SMYD3: variants seen among roughly 807,000 people sequenced by gnomAD.
The protein encoded by SMYD3 is SET and MYND domain containing 3.
A neutral mutation model predicts 57.7 loss-of-function variants in SMYD3; 36 were observed. The ratio of observed to expected loss-of-function variants is 0.62; its 90% CI spans 0.48 to 0.82. The LOEUF is 0.82. Ranked by LOEUF, SMYD3 falls within the 40% of genes least tolerant of loss-of-function variation. The pLI is 0.00. For missense variants in SMYD3, 515 were observed against 538.8 expected, an observed-to-expected ratio of 0.96 and a Z score of 0.44; for synonymous variants, 211 against 195.0, an observed-to-expected ratio of 1.08 and a Z score of -0.68.
At chr1:246,233,309 C>G (rs1433678299) in intron 5 of SMYD3, among the ~76,000 whole-genome samples, 1 of 124,964 alleles carries the variant, frequency 8.0e-6, no homozygotes. Flanking sequence ...TCAATTCACA[C>G]TGTGATGAAC....
At chr1:246,099,445 C>T (rs1022774902) in intron 5 of SMYD3, among the ~76,000 whole-genome samples, 3 of 151,970 alleles carry the variant, frequency 2.0e-5, no homozygotes, top group Non-Finnish European at 4.4e-5. Context: ...ACCAATATCC[C>T]GAACAATCAA....
At chr1:245,873,555 G>A (rs1232249728) in intron 8 of SMYD3, among the ~76,000 whole-genome samples, 3 of 152,174 alleles carry the variant, frequency 2.0e-5, no homozygotes, top group Admixed American at 1.3e-4. Flanking sequence ...GAAGACCAAA[G>A]CTGCAGCCCT....
intron 10 of SMYD3, among the ~76,000 whole-genome samples, chr1:245,816,992 G>A (rs1329977469): frequency 1.3e-5 from 2 of 151,592 alleles, no homozygotes; most frequent in Non-Finnish European, 3.0e-5. Flanking sequence ...CATTGCCCAG[G>A]CTTGCTTAGG....
chr1:246,222,623 C>T (rs1416471256), intron 5 of SMYD3, among the ~76,000 whole-genome samples: 1 of 152,112 alleles, frequency 6.6e-6, no homozygotes, highest in Non-Finnish European at 1.5e-5. Flanking sequence ...TGAAATCCTC[C>T]TTGATAAGAA....
chr1:246,363,800 C>A (rs2066050605), intron 1 of SMYD3, among the ~76,000 whole-genome samples: 1 of 152,036 alleles, frequency 6.6e-6, no homozygotes, highest in African/African-American at 2.4e-5. Context: ...GCCGCAGGGT[C>A]CTCTGCCTAG....
intron 8 of SMYD3, among the ~76,000 whole-genome samples, chr1:245,891,453 C>T (rs2053380584): frequency 6.6e-6 from 1 of 152,142 alleles, no homozygotes; most frequent in Non-Finnish European, 1.5e-5. Flanking sequence ...CAGAGACAGC[C>T]CAGGATGACA....
chr1:246,501,091 T>C (rs1270053147), intron 1 of SMYD3, among the ~76,000 whole-genome samples: 1 of 152,224 alleles, frequency 6.6e-6, no homozygotes, highest in South Asian at 2.1e-4. Flanking sequence ...TTGAAATGAT[T>C]TTGCTAGTTG....
chr1:246,456,340 T>C (rs796079576), intron 1 of SMYD3, among the ~76,000 whole-genome samples: 1 of 152,334 alleles, frequency 6.6e-6, no homozygotes, highest in African/African-American at 2.4e-5. Context: ...TCAGTATCTC[T>C]ACGAATAGGA....
intron 5 of SMYD3, among the ~76,000 whole-genome samples, chr1:246,107,727 A>G (rs573295143): frequency 6.6e-6 from 1 of 152,366 alleles, no homozygotes; most frequent in Non-Finnish European, 1.5e-5. Context: ...TGCCATTTAC[A>G]AAAGCCCACC....
intron 5 of SMYD3, among the ~76,000 whole-genome samples, chr1:246,027,677 C>T (rs545528930): frequency 1.3e-5 from 2 of 152,202 alleles, no homozygotes; most frequent in Non-Finnish European, 2.9e-5. Context: ...GACAACGCAC[C>T]TAGTCATCCA....
At chr1:246,488,140 T>C (rs1430387679) in intron 1 of SMYD3, among the ~76,000 whole-genome samples, 1 of 152,216 alleles carries the variant, frequency 6.6e-6, no homozygotes, top group African/African-American at 2.4e-5. Context: ...ATTTGATCTG[T>C]GACCGAAAAA....
chr1:246,431,649 T>C (rs1351853582), intron 1 of SMYD3, among the ~76,000 whole-genome samples: 4 of 152,154 alleles, frequency 2.6e-5, no homozygotes, highest in Admixed American at 6.5e-5. Context: ...GCAGAATCGC[T>C]TGAACCCAGG....
intron 5 of SMYD3, among the ~76,000 whole-genome samples, chr1:246,185,155 T>G (rs1032126948): frequency 6.6e-6 from 1 of 152,252 alleles, no homozygotes; most frequent in African/African-American, 2.4e-5. Flanking sequence ...AAATAAATTT[T>G]TCTTCTTATC....
At chr1:245,992,917 C>T (rs35219586) in intron 5 of SMYD3, among the ~76,000 whole-genome samples, 9,168 of 101,284 alleles carry the variant, frequency 0.091, 606 homozygotes, top group South Asian at 0.21. Context: ...TCTAGAATGG[C>T]GGTCATGGGG....
At chr1:245,902,894 A>C (rs964781841) in intron 8 of SMYD3, among the ~76,000 whole-genome samples, 1 of 152,254 alleles carries the variant, frequency 6.6e-6, no homozygotes, top group African/African-American at 2.4e-5. Context: ...AGAAGAAGCA[A>C]TTATGACACC....
intron 5 of SMYD3, among the ~76,000 whole-genome samples, chr1:246,205,586 C>CAGGGGAGAAGGAAGAGA (rs2062986970): frequency 6.6e-6 from 1 of 151,724 alleles, no homozygotes; most frequent in African/African-American, 2.4e-5. Flanking sequence ...CTTTGGGAGG[C>CAGGGGAGAAGGAAGAGA]CAAGGCAGAC....
chr1:246,102,965 T>C (rs1358146649), intron 5 of SMYD3, among the ~76,000 whole-genome samples: 1 of 152,166 alleles, frequency 6.6e-6, no homozygotes, highest in African/African-American at 2.4e-5. Context: ...CTAATTTTGC[T>C]ACGGCTCCTG....
At chr1:246,088,818 T>C (rs183501758) in intron 5 of SMYD3, among the ~76,000 whole-genome samples, 9 of 143,828 alleles carry the variant, frequency 6.3e-5, no homozygotes, top group African/African-American at 1.7e-4. Flanking sequence ...CAGCTTATAA[T>C]TTGTATAGGA....
intron 5 of SMYD3, among the ~76,000 whole-genome samples, chr1:246,274,729 C>CA (rs2064296702): frequency 1.3e-5 from 2 of 152,046 alleles, no homozygotes; most frequent in Non-Finnish European, 2.9e-5. Context: ...GGGAATATGA[C>CA]AAAAAGCACC....
Sources: allele counts gnomAD v4.1 joint callset (sites outside exome capture counted in the v4.1 genomes callset), GRCh38; gene constraint gnomAD v4.1.1; transcripts MANE v1.5; gene names NCBI Gene and HGNC (gene_info 2026-07-23, HGNC 2026-07-21).